The following PBX1 variants were observed in gnomAD, a reference collection of about 807,000 sequenced individuals.
The protein encoded by PBX1 is pre-B-cell leukemia transcription factor 1.
In PBX1, 6 loss-of-function variants were observed where a neutral mutation model predicts 53.4. That is an observed-to-expected ratio of 0.11 (90% CI 0.06 to 0.22). The LOEUF (loss-of-function observed/expected upper bound fraction) is 0.22, where lower values mean the gene tolerates loss of function less well. Among genes scored for constraint, PBX1 ranks in the 10% least tolerant of loss-of-function variants. The pLI is 1.00. For synonymous variants in PBX1, 204 were observed against 212.3 expected, an observed-to-expected ratio of 0.96 and a Z score of 0.34; for missense variants, 251 against 551.4, an observed-to-expected ratio of 0.46 and a Z score of 5.46.
In PBX1 at chr1:164,792,485, T is replaced by C. The variant is rs1668564729; in HGVS notation, c.266-9T>C. 3 of 1,613,810 alleles carry C rather than the reference T, an allele frequency of 1.9e-6. No individual in the cohort carries two copies. Among genetic ancestry groups the C allele is most frequent in the East Asian group, 2.2e-5 (1 of 44,878 alleles). ...CTATTAACGCTCCCTTCCCTGTCTT[T>C]TTCTGTAGTTTTGAGTATCCGAGGA... On this transcript the variant is annotated splice_polypyrimidine_tract_variant and intron_variant, in intron 2 of 8. Transcript: ENST00000420696.
chr1:164,804,191 A>G (rs1018574742), intron 4 of PBX1, among the ~76,000 whole-genome samples: 8 of 152,212 alleles, frequency 5.3e-5, no homozygotes, highest in African/African-American at 1.9e-4. Flanking sequence ...TGTGCTCCTC[A>G]AACTGGCACT....
At chr1:164,753,731 A>G (rs143545471) in intron 2 of PBX1, among the ~76,000 whole-genome samples, 2,293 of 152,276 alleles carry the variant, frequency 0.015, 20 homozygotes, top group Non-Finnish European at 0.024. Context: ...GACGAGCATA[A>G]TATAATTGTG....
chr1:164,739,427 C>T (rs541099155), intron 2 of PBX1, among the ~76,000 whole-genome samples: 2 of 152,098 alleles, frequency 1.3e-5, no homozygotes, highest in African/African-American at 2.4e-5. Context: ...TTGTGGTAAG[C>T]GAAATTATTC....
intron 2 of PBX1, among the ~76,000 whole-genome samples, chr1:164,790,644 T>C (rs1272509336): frequency 6.6e-6 from 1 of 152,116 alleles, no homozygotes; most frequent in Non-Finnish European, 1.5e-5. Flanking sequence ...CTGATCCACA[T>C]GGCTCGCCAT....
intron 2 of PBX1, among the ~76,000 whole-genome samples, chr1:164,863,276 G>A (rs926608628): frequency 1.2e-4 from 19 of 152,214 alleles, no homozygotes; most frequent in South Asian, 2.1e-4. Context: ...CAGAGGGCAA[G>A]GGGTGACAGA....
intron 8 of PBX1, among the ~76,000 whole-genome samples, chr1:164,845,318 A>C (rs1356613963): frequency 7.2e-6 from 1 of 138,836 alleles, no homozygotes; most frequent in East Asian, 2.2e-4. Context: ...CTGATGAATA[A>C]AATGGGAACG....
chr1:164,807,000 T>A (rs989824553), intron 4 of PBX1, among the ~76,000 whole-genome samples: 1 of 152,192 alleles, frequency 6.6e-6, no homozygotes, highest in Non-Finnish European at 1.5e-5. Context: ...GGCTCATGCC[T>A]GTAATCCCAG....
At chr1:164,773,526 G>A (rs1290508134) in intron 2 of PBX1, among the ~76,000 whole-genome samples, 2 of 147,322 alleles carry the variant, frequency 1.4e-5, no homozygotes, top group Non-Finnish European at 3.1e-5. Context: ...AGACTATGGC[G>A]TGAAAGATCA....
At chr1:164,576,567 C>G (rs1480251789) in intron 2 of PBX1, among the ~76,000 whole-genome samples, 1 of 152,220 alleles carries the variant, frequency 6.6e-6, no homozygotes, top group Non-Finnish European at 1.5e-5. Flanking sequence ...GTCCCCCAAG[C>G]GGGGCTTGCT....
chr1:164,855,244 G>C (rs906204856), downstream of PBX1, among the ~76,000 whole-genome samples: 2 of 152,038 alleles, frequency 1.3e-5, no homozygotes, highest in African/African-American at 4.8e-5. Context: ...CCACGCCTAG[G>C]TTCCTCTCTT....
At chr1:164,682,572 C>G (rs1661845177) in intron 2 of PBX1, 1 of 151,708 alleles carries the variant, frequency 6.6e-6, no homozygotes, top group South Asian at 2.1e-4. Context: ...CTTAACTGTA[C>G]CCATAAACTG....
chr1:164,852,088 A>G (rs189394813), downstream of PBX1, among the ~76,000 whole-genome samples: 1 of 152,288 alleles, frequency 6.6e-6, no homozygotes, highest in Admixed American at 6.5e-5. Context: ...TCTGCTTGCT[A>G]CTGGCAGCCA....
chr1:164,712,008 C>A (rs1210005227), intron 2 of PBX1, among the ~76,000 whole-genome samples: 1 of 143,356 alleles, frequency 7.0e-6, no homozygotes, highest in Non-Finnish European at 1.5e-5. Context: ...TTTGTGTGCC[C>A]CCCCACCTCA....
In PBX1 at chr1:164,848,165, G is replaced by T; in HGVS notation, c.*1489G>T. On this transcript the variant is annotated 3_prime_UTR_variant, in exon 9 of 9. Transcript: ENST00000420696. ...TAATGTTTTCATTGAAATCATCACA[G>T]TGATTTTTATTCCCTGGGAACACAG... 1 of 1,049,800 alleles carries T rather than the reference G, an allele frequency of 9.5e-7. No homozygotes were observed. The highest frequency in any genetic ancestry group is 1.1e-6 in the Non-Finnish European group (1 of 869,574). 65.0% of individuals were successfully genotyped at this position (1,049,800 alleles called of 1,614,324 possible). A position where few individuals can be genotyped will look rare whatever the true frequency, so the allele number is the denominator to read the frequency against.
intron 2 of PBX1, among the ~76,000 whole-genome samples, chr1:164,673,912 A>G (rs1202958226): frequency 2.0e-5 from 3 of 152,300 alleles, no homozygotes; most frequent in East Asian, 3.9e-4. Flanking sequence ...GATAGCTGCT[A>G]CTTTATTCGT....
intron 2 of PBX1, chr1:164,680,881 T>G (rs1012476281): frequency 6.6e-6 from 1 of 152,254 alleles, no homozygotes; most frequent in Non-Finnish European, 1.5e-5. Flanking sequence ...CTTAGGTTTC[T>G]GTGCATTATT....
At position 164,851,752 on chromosome 1, in the gene PBX1, G is replaced by T. The variant is rs761288537; in HGVS notation, c.*5076G>T. The T allele has an allele frequency of 5.6e-6, 1 of 178,520 alleles. No individual in the cohort carries two copies. The highest frequency in any genetic ancestry group is 2.0e-4 in the South Asian group (1 of 5,048). 11.1% of individuals were successfully genotyped at this position (178,520 alleles called of 1,614,324 possible). A position where few individuals can be genotyped will look rare whatever the true frequency, so the allele number is the denominator to read the frequency against. The stretch of plus-strand genomic sequence containing the variant: ...TTGTGTTCTCTAATGATACTAACAC[G>T]GTGTAGGTTTTACAGTCTCCTAATT... On this transcript the variant is annotated 3_prime_UTR_variant, in exon 9 of 9. Coordinates refer to ENST00000420696, the MANE Select transcript of PBX1 (RefSeq NM_002585.4).
intron 8 of PBX1, among the ~76,000 whole-genome samples, chr1:164,825,132 C>A (rs1670387815): frequency 6.6e-6 from 1 of 152,096 alleles, no homozygotes; most frequent in African/African-American, 2.4e-5. Flanking sequence ...CTCATCTTTA[C>A]CTCATTACCC....
chr1:164,617,756 C>T (rs1392699492), intron 2 of PBX1, among the ~76,000 whole-genome samples: 1 of 152,088 alleles, frequency 6.6e-6, no homozygotes, highest in Non-Finnish European at 1.5e-5. Context: ...ATTTTAAATC[C>T]CTATAGTAGT....
Sources: gnomAD v4.1 joint callset for allele counts (sites outside exome capture counted in the v4.1 genomes callset) on GRCh38, gnomAD v4.1.1 for gene constraint, MANE v1.5 for transcripts, NCBI Gene and HGNC (gene_info 2026-07-23, HGNC 2026-07-21) for gene names.